The following MAP3K5 variants were observed in gnomAD, a reference collection of about 807,000 sequenced individuals.
MAP3K5 encodes the protein mitogen-activated protein kinase kinase kinase 5.
A neutral mutation model predicts 158.7 loss-of-function variants in MAP3K5; 56 were observed. The ratio of observed to expected loss-of-function variants is 0.35; its 90% CI spans 0.28 to 0.44. The LOEUF is 0.44. Ranked by LOEUF, MAP3K5 falls within the 20% of genes least tolerant of loss-of-function variation. The pLI is 1.00. For synonymous variants in MAP3K5, 579 were observed against 601.7 expected (o/e 0.96, Z 0.55); for missense variants, 1,294 against 1,674.8 (o/e 0.77, Z 3.97).
intron 27 of MAP3K5, 85 bp downstream of exon 27, chr6:136,562,418 C>T (rs1049942648): frequency 1.6e-4 from 98 of 601,810 alleles, no homozygotes; most frequent in South Asian, 5.0e-4. Flanking sequence ...CTGACTTAGC[C>T]ACAAATAAAA....
intron 10 of MAP3K5, among the ~76,000 whole-genome samples, chr6:136,652,744 CAG>C (rs1368401383): frequency 6.6e-6 from 1 of 152,154 alleles, no homozygotes; most frequent in Non-Finnish European, 1.5e-5. Context: ...GTATTTCTAA[CAG>C]ATAAAATCTG....
chr6:136,571,793 G>A (rs934117900), intron 25 of MAP3K5, among the ~76,000 whole-genome samples: 1 of 152,106 alleles, frequency 6.6e-6, no homozygotes, highest in African/African-American at 2.4e-5. Flanking sequence ...TGGTTCACAA[G>A]GGTGCTTTCT....
chr6:136,698,391 A>G, intron 4 of MAP3K5, 98 bp downstream of exon 4: 1 of 954,730 alleles, frequency 1.0e-6, no homozygotes, highest in Non-Finnish European at 1.6e-6. Context: ...TCTTAGCTGT[A>G]TACTGATATC....
At chr6:136,659,057 T>C (rs1014227087) in intron 9 of MAP3K5, among the ~76,000 whole-genome samples, 162 bp downstream of exon 9, 4 of 152,254 alleles carry the variant, frequency 2.6e-5, no homozygotes, top group African/African-American at 9.6e-5. Flanking sequence ...GTCATCAGAA[T>C]TGATGTGTAA....
chr6:136,694,231 C>T lies in MAP3K5; in HGVS notation c.1162G>A (p.Asp388Asn). The T allele has an allele frequency of 6.2e-7, 1 of 1,613,798 alleles. No homozygotes were observed. The highest frequency in any genetic ancestry group is 8.5e-7 in the Non-Finnish European group (1 of 1,179,912). ...MVQSEGQVASDMYCLVGRIYK... is the reference protein window; with the variant it reads ...MVQSEGQVASNMYCLVGRIYK... ...ATTCGACCAACTAGGCAATACATAT[C>T]TGAAGCAACTTGTCCTTCGCTTTGC... Residue 388 changes from aspartate to asparagine, a missense_variant, in exon 7 of 30, where the codon GAT (aspartate) becomes AAT (asparagine). Transcript: ENST00000359015.
At chr6:136,560,060 A>T (rs937467379) in intron 28 of MAP3K5, among the ~76,000 whole-genome samples, 2 of 148,386 alleles carry the variant, frequency 1.3e-5, no homozygotes, top group African/African-American at 2.5e-5. Flanking sequence ...ATTTATTTTT[A>T]AAATTTAAAT....
chr6:136,658,408 G>A (rs1200124800), intron 9 of MAP3K5, among the ~76,000 whole-genome samples: 1 of 146,296 alleles, frequency 6.8e-6, no homozygotes, highest in Admixed American at 7.0e-5. Context: ...TCCGCCTCCT[G>A]GGTTCAAGTG....
chr6:136,566,702 A>G (rs1774125561), intron 26 of MAP3K5, among the ~76,000 whole-genome samples: 1 of 152,238 alleles, frequency 6.6e-6, no homozygotes, highest in Non-Finnish European at 1.5e-5. Flanking sequence ...CACATCATAG[A>G]AGATGTGTCT....
chr6:136,642,011 AAAAT>A (rs1344191758), intron 12 of MAP3K5, among the ~76,000 whole-genome samples: 33 of 115,912 alleles, frequency 2.8e-4, no homozygotes, highest in African/African-American at 8.0e-4. Context: ...AAAATAAAAT[AAAAT>A]AAATAAAATA....
chr6:136,579,498 G>C (rs1232227997), intron 25 of MAP3K5, among the ~76,000 whole-genome samples: 2 of 152,140 alleles, frequency 1.3e-5, no homozygotes, highest in Non-Finnish European at 2.9e-5. Flanking sequence ...TCTTACAGAT[G>C]GAACAAGCAG....
At chr6:136,646,402 G>A (rs537968727) in intron 11 of MAP3K5, among the ~76,000 whole-genome samples, 1 of 152,272 alleles carries the variant, frequency 6.6e-6, no homozygotes, top group South Asian at 2.1e-4. Context: ...ATAAGAGAAT[G>A]AAAACGAGGC....
chr6:136,694,036 C>A (rs1562619226), intron 7 of MAP3K5, 104 bp downstream of exon 7: 1 of 844,702 alleles, frequency 1.2e-6, no homozygotes. Flanking sequence ...TCATAATACA[C>A]AATCTTATGG....
rs1346009638 is a variant in MAP3K5 at position 136,696,892 on chromosome 6, A to T, written c.975+327T>A. On this transcript the variant is annotated intron_variant, in intron 5 of 29. Coordinates refer to ENST00000359015, the MANE Select transcript of MAP3K5 (RefSeq NM_005923.4). The stretch of plus-strand genomic sequence containing the variant: ...AAAAATGTCTGCTATTTGCCAAAAC[A>T]AAGCTTTCACTGACAGGTGTGCCTG... 4.6e-5 allele frequency among the ~76,000 whole-genome samples: 7 copies of T among 152,350 alleles called. No individual in the cohort carries two copies. In the East Asian group the frequency reaches 1.4e-3, roughly 29 times the overall value.
chr6:136,614,343 A>G, intron 15 of MAP3K5, 57 bp from the exon 16 acceptor site: 1 of 1,571,518 alleles, frequency 6.4e-7, no homozygotes, highest in Admixed American at 1.8e-5. Context: ...TACTGTATAA[A>G]TTTAAACAAT....
At chr6:136,786,652 C>T (rs1428701874) in intron 1 of MAP3K5, among the ~76,000 whole-genome samples, 2 of 151,860 alleles carry the variant, frequency 1.3e-5, no homozygotes, top group African/African-American at 4.8e-5. Flanking sequence ...CAACTGTAGT[C>T]AAAGAAGAAA....
Position 136,592,464 on chromosome 6 carries a change from A to G in MAP3K5, c.3029T>C (p.Val1010Ala), listed in dbSNP as rs200843890. Residue 1010 changes from valine to alanine, a missense_variant, in exon 22 of 30, where the codon GTC (valine) becomes GCC (alanine). This residue lies in a region of MAP3K5 where 362 missense variants were observed against 463.2 expected (regional missense o/e 0.78). Transcript: ENST00000359015. The stretch of plus-strand genomic sequence containing the variant: ...CAAAAAGAGTGTCCGAATTCCCTTG[A>G]CATCTCTTTCTCCGCAGGACTTGGC... ...TRAKSCGERD[V>A]KGIRTLFLGI... 184 of 1,614,000 alleles carry G rather than the reference A, an allele frequency of 1.1e-4. 1 individual carries two copies. The East Asian group carries it at 3.5e-3, about 31-fold the overall frequency.
chr6:136,598,623 A>T (rs1185833001), intron 21 of MAP3K5, among the ~76,000 whole-genome samples: 1 of 152,068 alleles, frequency 6.6e-6, no homozygotes, highest in Admixed American at 6.5e-5. Flanking sequence ...GTCCCTCTCT[A>T]AAGGGGAAGG....
chr6:136,669,441 A>C (rs746939443), intron 7 of MAP3K5, 46 bp from the exon 8 acceptor site: 1 of 1,112,974 alleles, frequency 9.0e-7, no homozygotes, highest in South Asian at 1.3e-5. Flanking sequence ...CAATCATGAA[A>C]CCCTGGGTGT....
chr6:136,588,019 G>A (rs1485250563), intron 23 of MAP3K5, among the ~76,000 whole-genome samples: 2 of 152,144 alleles, frequency 1.3e-5, no homozygotes, highest in Admixed American at 1.3e-4. Flanking sequence ...GGCATTTCCT[G>A]TACTGGAAAA....
Sources: allele counts gnomAD v4.1 joint callset (sites outside exome capture counted in the v4.1 genomes callset), GRCh38; gene constraint gnomAD v4.1.1; regional missense constraint gnomAD v4.1.1; transcripts MANE v1.5; gene names NCBI Gene and HGNC (gene_info 2026-07-23, HGNC 2026-07-21).